The following IFT80 variants were observed in gnomAD, a reference collection of about 807,000 sequenced individuals.
The protein encoded by IFT80 is intraflagellar transport 80.
In IFT80, 79 loss-of-function variants were observed where a neutral mutation model predicts 107.9. The observed-to-expected ratio is 0.73, with a 90% confidence interval of 0.61 to 0.88. The LOEUF (loss-of-function observed/expected upper bound fraction) is 0.88. Among genes scored for constraint, IFT80 ranks in the 40% least tolerant of loss-of-function variants. The probability of loss-of-function intolerance (pLI) is 0.00; values close to 1 mark genes in which losing one functional copy is unlikely to be tolerated. For synonymous variants in IFT80, 299 were observed against 300.9 expected (o/e 0.99, Z 0.07); for missense variants, 797 against 914.2 (o/e 0.87, Z 1.65).
chr3:160,341,454 C>T (rs1372176313), intron 8 of IFT80, among the ~76,000 whole-genome samples: 1 of 151,428 alleles, frequency 6.6e-6, no homozygotes, highest in African/African-American at 2.4e-5. Flanking sequence ...CAAAAGAAAA[C>T]ATTTTAAGTT....
At chr3:160,385,480 T>G (rs1382053649) in intron 1 of IFT80, among the ~76,000 whole-genome samples, 3 of 152,224 alleles carry the variant, frequency 2.0e-5, no homozygotes, top group Non-Finnish European at 4.4e-5. Context: ...TGAAAATTAC[T>G]GCTAACTACA....
At chr3:160,391,115 G>T (rs1287099512) in intron 1 of IFT80, among the ~76,000 whole-genome samples, 1 of 152,082 alleles carries the variant, frequency 6.6e-6, no homozygotes. Flanking sequence ...CTACCTATGG[G>T]GTAGCCCTGC....
intron 6 of IFT80, among the ~76,000 whole-genome samples, chr3:160,360,265 G>A (rs1721396642): frequency 6.6e-6 from 1 of 152,162 alleles, no homozygotes; most frequent in East Asian, 1.9e-4. Context: ...AGTGATTGAA[G>A]ATCAAATTAA....
intron 8 of IFT80, among the ~76,000 whole-genome samples, chr3:160,322,588 C>G (rs1718330629): frequency 6.6e-6 from 1 of 152,098 alleles, no homozygotes; most frequent in Admixed American, 6.6e-5. Flanking sequence ...ATTTCTAGTT[C>G]TAGATCCCTG....
intron 9 of IFT80, among the ~76,000 whole-genome samples, chr3:160,314,755 C>T (rs151181143): frequency 2.1e-3 from 320 of 152,212 alleles, no homozygotes; most frequent in Admixed American, 4.4e-3. Context: ...GAAAGCGAAT[C>T]CTCCCAAGTG....
intron 8 of IFT80, among the ~76,000 whole-genome samples, chr3:160,329,486 A>C (rs1364168259): frequency 6.6e-6 from 1 of 152,146 alleles, no homozygotes; most frequent in African/African-American, 2.4e-5. Flanking sequence ...CAGTAGAAGC[A>C]GGAATGTCAT....
intron 14 of IFT80, among the ~76,000 whole-genome samples, chr3:160,281,719 A>G (rs911387517): frequency 6.6e-6 from 1 of 152,072 alleles, no homozygotes; most frequent in African/African-American, 2.4e-5. Context: ...GAAACACTGG[A>G]GTGGTAAGGG....
At chr3:160,328,326 G>T (rs1262581598) in intron 8 of IFT80, among the ~76,000 whole-genome samples, 1 of 151,978 alleles carries the variant, frequency 6.6e-6, no homozygotes, top group East Asian at 1.9e-4. Context: ...GCCAGGCATG[G>T]TGGCAAGCAC....
Position 160,282,623 on chromosome 3 carries a change from T to C in IFT80, c.1381-10A>G. ...TTTCCAAGATTTCATTCTAAAATTTTTTTTAAATGTAAATACTGGGTTAGT... is the reference window on the plus strand; with the variant it reads ...TTTCCAAGATTTCATTCTAAAATTTCTTTTAAATGTAAATACTGGGTTAGT... On this transcript the variant is annotated splice_polypyrimidine_tract_variant and intron_variant, in intron 13 of 19. Coordinates refer to ENST00000326448, the MANE Select transcript of IFT80 (RefSeq NM_020800.3). 1 of 1,523,566 alleles carries C rather than the reference T, an allele frequency of 6.6e-7. No individual in the cohort carries two copies. The highest frequency in any genetic ancestry group is 9.1e-7 in the Non-Finnish European group (1 of 1,101,700). 94.4% of individuals were successfully genotyped at this position (1,523,566 alleles called of 1,614,324 possible).
intron 12 of IFT80, among the ~76,000 whole-genome samples, chr3:160,300,047 T>G (rs913149176): frequency 6.6e-6 from 1 of 152,248 alleles, no homozygotes; most frequent in South Asian, 2.1e-4. Context: ...CTTCTGGCAG[T>G]TCCTTTAACA....
At chr3:160,372,201 T>C (rs796499663) in intron 5 of IFT80, among the ~76,000 whole-genome samples, 3 of 152,196 alleles carry the variant, frequency 2.0e-5, no homozygotes, top group South Asian at 4.1e-4. Context: ...CATGGATGCT[T>C]CCAACACTTT....
intron 8 of IFT80, among the ~76,000 whole-genome samples, chr3:160,351,658 C>G (rs1283865834): frequency 1.4e-5 from 2 of 144,868 alleles, no homozygotes; most frequent in African/African-American, 5.2e-5. Flanking sequence ...CATACATATG[C>G]ATACATACAC....
intron 12 of IFT80, among the ~76,000 whole-genome samples, chr3:160,289,616 C>A (rs1471573094): frequency 6.6e-6 from 1 of 152,144 alleles, no homozygotes; most frequent in Non-Finnish European, 1.5e-5. Flanking sequence ...ATGCGGCGGT[C>A]CTGCTAGTGC....
At chr3:160,322,031 TTTATTTATTTA>T (rs1718266895) in intron 8 of IFT80, among the ~76,000 whole-genome samples, 1 of 149,364 alleles carries the variant, frequency 6.7e-6, no homozygotes. Context: ...TATTTATTTA[TTTATTTATTTA>T]TTATTATTAT....
In IFT80 at chr3:160,277,588, A is replaced by G. The variant is rs1299357374; in HGVS notation, c.1919T>C (p.Ile640Thr). ...MTTAEIAYAA[I>T]GEIDKVQYIN... is the part of the protein sequence containing the mutation. The stretch of plus-strand genomic sequence containing the variant: ...TAAACATTAATTACTTACTTCACCA[A>G]TTGCTGCATAGGCTATTTCTGCAGT... Residue 640 changes from isoleucine (I) to threonine (T), a missense_variant, in exon 17 of 20, where the codon ATT (isoleucine) becomes ACT (threonine). Ile to Thr is a moderately conservative substitution (Grantham distance 89, BLOSUM62 -1). Coordinates refer to ENST00000326448, the MANE Select transcript of IFT80 (RefSeq NM_020800.3). The G allele has an allele frequency of 6.2e-7, 1 of 1,612,088 alleles. No individual in the cohort carries two copies. The highest frequency in any genetic ancestry group is 8.5e-7 in the Non-Finnish European group (1 of 1,178,386).
intron 11 of IFT80, among the ~76,000 whole-genome samples, chr3:160,303,679 C>T (rs1362842351): frequency 1.3e-5 from 2 of 152,172 alleles, no homozygotes; most frequent in Non-Finnish European, 2.9e-5. Flanking sequence ...ATTTAATCCA[C>T]ATATAACCCT....
At chr3:160,314,330 A>T (rs1390424268) in intron 9 of IFT80, among the ~76,000 whole-genome samples, 1 of 152,120 alleles carries the variant, frequency 6.6e-6, no homozygotes, top group African/African-American at 2.4e-5. Flanking sequence ...CACCCTTTGT[A>T]CCTGCACGCT....
chr3:160,268,523 C>T lies in IFT80; in HGVS notation c.2113G>A (p.Ala705Thr). 1 of 1,613,194 alleles carries T rather than the reference C, an allele frequency of 6.2e-7. No individual in the cohort carries two copies. Among genetic ancestry groups the T allele is most frequent in the Non-Finnish European group, 8.5e-7 (1 of 1,179,414 alleles). ...TCAACATGTGTTTTGTATTTTACAGCCAATTCCAGTGCCCTATAATGAGAA... is the reference window on the plus strand; with the variant it reads ...TCAACATGTGTTTTGTATTTTACAGTCAATTCCAGTGCCCTATAATGAGAA... ...LYNWERALEL[A>T]VKYKTHVDTV... The change falls in exon 19 of 20, where the codon GCT becomes ACT. Residue 705 changes from alanine (A) to threonine (T), a missense_variant. Ala to Thr is a moderately conservative substitution (Grantham distance 58). Transcript: ENST00000326448.
At chr3:160,261,643 A>G (rs1264324351) in intron 19 of IFT80, among the ~76,000 whole-genome samples, 1 of 151,086 alleles carries the variant, frequency 6.6e-6, no homozygotes, top group African/African-American at 2.4e-5. Flanking sequence ...ATACAAAAAA[A>G]TAAAAAATTT....
Sources: allele counts gnomAD v4.1 joint callset (sites outside exome capture counted in the v4.1 genomes callset), GRCh38; gene constraint gnomAD v4.1.1; transcripts MANE v1.5; gene names NCBI Gene and HGNC (gene_info 2026-07-23, HGNC 2026-07-21).